MACF1: variants seen among roughly 807,000 people sequenced by gnomAD.
The protein encoded by MACF1 is microtubule-actin cross-linking factor 1.
A neutral mutation model predicts 854.8 loss-of-function variants in MACF1; 193 were observed. The observed-to-expected ratio is 0.23, with a 90% CI of 0.20 to 0.25. The LOEUF (loss-of-function observed/expected upper bound fraction) is 0.25. Among genes scored for constraint, MACF1 ranks in the 10% least tolerant of loss-of-function variants. MACF1 has a pLI of 1.00. For missense variants in MACF1, 7,722 were observed against 8,929.1 expected (o/e 0.86, Z 5.45); for synonymous variants, 3,185 against 3,226.7 (o/e 0.99, Z 0.44).
At chr1:39,154,410 G>A (rs1292859309) in intron 2 of MACF1, 5 of 152,114 alleles carry the variant, frequency 3.3e-5, no homozygotes, top group African/African-American at 9.7e-5. Context: ...AGATATATGT[G>A]GGATGAATGA....
chr1:39,379,467 C>T (rs751390379), intron 54 of MACF1, 23 bp downstream of exon 54: 178 of 1,592,108 alleles, frequency 1.1e-4, no homozygotes, highest in Non-Finnish European at 1.4e-4. Flanking sequence ...CATTAGTTGC[C>T]TCCCAACACC....
At chr1:39,100,917 T>TGCGC (rs1557452575) in intron 2 of MACF1, among the ~76,000 whole-genome samples, 3 of 151,186 alleles carry the variant, frequency 2.0e-5, no homozygotes, top group East Asian at 3.9e-4. Context: ...CACGCGCGCG[T>TGCGC]GTGTGTGTGT....
At chr1:39,174,997 C>T (rs1321536611) in intron 2 of MACF1, among the ~76,000 whole-genome samples, 2 of 152,188 alleles carry the variant, frequency 1.3e-5, no homozygotes, top group Non-Finnish European at 2.9e-5. Context: ...AAACTGCTAC[C>T]TTCTTCCCCA....
At chr1:39,304,183 T>TC (rs1396971625) in intron 23 of MACF1, 1 of 47,342 alleles carries the variant, frequency 2.1e-5, no homozygotes, top group Non-Finnish European at 3.7e-5. Flanking sequence ...CCCCACCCCA[T>TC]CCCCCCACCC....
At chr1:39,284,483 T>G in intron 11 of MACF1, 55 bp downstream of exon 11, 1 of 1,165,522 alleles carries the variant, frequency 8.6e-7, no homozygotes, top group East Asian at 2.4e-5. Context: ...GTACTGTTGT[T>G]GCTTCTTGAT....
Position 39,284,526 on chromosome 1 carries a change from A to G in MACF1, c.1131+98A>G, listed in dbSNP as rs74066732. 9.4e-3 allele frequency: 6,712 copies of G among 717,224 alleles called. 318 individuals carry two copies. The African/African-American group carries it at 0.11, about 11-fold the overall frequency. The allele number at this position is 717,224 out of a possible 1,614,324, so 44.4% of individuals were successfully genotyped here. The stretch of plus-strand genomic sequence containing the variant: ...TCCTTGTATTCTTTTCCCAAACTGC[A>G]TTAATAGAAGTACTCTCCTGGTGAC... On this transcript the variant is annotated intron_variant, in intron 11 of 100. Transcript: ENST00000564288.
chr1:39,385,643 C>T lies in MACF1; in HGVS notation c.14058C>T (p.Thr4686=), dbSNP rs765631894. 34 of 1,613,992 alleles carry T rather than the reference C, an allele frequency of 2.1e-5. No homozygotes were observed. Among genetic ancestry groups the T allele is most frequent in the Non-Finnish European group, 2.8e-5 (33 of 1,180,026 alleles). ...TTGACCAAGCTATTGTTAAGAGCAC[C>T]CAGTACCAGGAACTGCTCCAGGACT... ...SQIDQAIVKS[T]QYQELLQDLS... is the part of the protein sequence containing the mutation. The change falls in exon 57 of 101, where the codon ACC becomes ACT. Residue 4686 remains threonine (T), a synonymous_variant. Transcript: ENST00000564288.
At chr1:39,426,785 G>A (rs895527066) in intron 61 of MACF1, among the ~76,000 whole-genome samples, 2 of 151,734 alleles carry the variant, frequency 1.3e-5, no homozygotes, top group Admixed American at 1.3e-4. Flanking sequence ...TTTTGGGGGG[G>A]GTGCTTTTTG....
intron 6 of MACF1, chr1:39,269,841 G>A: frequency 2.6e-6 from 2 of 760,588 alleles, no homozygotes; most frequent in Admixed American, 7.0e-5. Context: ...ACCCCCATGT[G>A]GGTTAGTATC....
intron 2 of MACF1, among the ~76,000 whole-genome samples, chr1:39,135,040 T>G (rs1346576441): frequency 6.6e-6 from 1 of 152,192 alleles, no homozygotes; most frequent in Non-Finnish European, 1.5e-5. Flanking sequence ...TCATACAGTA[T>G]TTGTCCTTTT....
In MACF1 at chr1:39,087,865, C is replaced by T. The variant is rs557247870; in HGVS notation, c.220+3427C>T. On this transcript the variant is annotated intron_variant, in intron 2 of 93. Coordinates refer to the MACF1 transcript ENST00000361689. ...TCAACTCACTGCAACCTTCACCTCC[C>T]GGGTTCAAGCAATTCTTCTGCCTCA... Among the ~76,000 whole-genome samples the T allele has an allele frequency of 3.3e-5, 5 of 151,934 alleles. No individual in the cohort carries two copies. In the South Asian group the frequency reaches 1.0e-3, roughly 32 times the overall value.
Position 39,484,726 on chromosome 1 carries a change from G to A in MACF1, c.22407G>A (p.Arg7469=), listed in dbSNP as rs758528707. 6.2e-7 allele frequency: 1 copy of A among 1,614,030 alleles called. No homozygotes were observed. The highest frequency in any genetic ancestry group is 8.5e-7 in the Non-Finnish European group (1 of 1,180,002). The stretch of plus-strand genomic sequence containing the variant: ...CCTCCACAGGTGCCAAAACTAATCG[G>A]GCAGGTAAGTACCTGCCCCGTGACC... The part of the protein sequence containing the change: ...SPASTGAKTN[R]ADPKKSASRP... Residue 7469 remains arginine, a synonymous_variant, in exon 100 of 101, where the codon CGG becomes CGA. Transcript: ENST00000564288.
At position 39,333,488 on chromosome 1, in the gene MACF1, AC is replaced by A; in HGVS notation, c.6901del (p.Gln2301LysfsTer8). On this transcript the variant is annotated frameshift_variant, in exon 37 of 101. Coordinates refer to ENST00000564288, the MANE Select transcript of MACF1 (RefSeq NM_001394062.1). LOFTEE classifies it high-confidence loss of function. ...QLLDGGIFHE[Q>X]TGQKLLLNEA... Reference sequence around the variant, plus strand: ...TACTAGATGGTGGTATCTTTCATGAACAAACAGGTCAAAAGCTCTTACTAAA... The same window carrying A: ...TACTAGATGGTGGTATCTTTCATGAAAAACAGGTCAAAAGCTCTTACTAAA... 6.2e-7 allele frequency: 1 copy of A among 1,614,214 alleles called. No individual in the cohort carries two copies. The highest frequency in any genetic ancestry group is 8.5e-7 in the Non-Finnish European group (1 of 1,180,038).
intron 88 of MACF1, 60 bp from the exon 89 acceptor site, chr1:39,454,849 T>C (rs1644405529): frequency 1.4e-6 from 2 of 1,446,720 alleles, no homozygotes; most frequent in African/African-American, 1.4e-5. Flanking sequence ...AAAAAGGGCT[T>C]TGGAAACAAA....
At chr1:39,403,463 A>G (rs1253351699) in intron 58 of MACF1, among the ~76,000 whole-genome samples, 6 of 152,158 alleles carry the variant, frequency 3.9e-5, no homozygotes, top group Admixed American at 3.3e-4. Flanking sequence ...ACACCTTCAC[A>G]TGGGTCGTTT....
At chr1:39,445,156 G>T (rs1339090831) in intron 80 of MACF1, among the ~76,000 whole-genome samples, 1 of 152,164 alleles carries the variant, frequency 6.6e-6, no homozygotes, top group Non-Finnish European at 1.5e-5. Flanking sequence ...TGAGAGATTG[G>T]GGACAGGGCA....
At chr1:39,463,396 A>G (rs983635424) in intron 93 of MACF1, among the ~76,000 whole-genome samples, 1 of 144,944 alleles carries the variant, frequency 6.9e-6, no homozygotes, top group African/African-American at 2.4e-5. Flanking sequence ...GGGCTGAGGT[A>G]GGAGAATTGT....
At chr1:39,415,542 T>C (rs1015311489) in intron 58 of MACF1, among the ~76,000 whole-genome samples, 3 of 149,592 alleles carry the variant, frequency 2.0e-5, no homozygotes, top group African/African-American at 4.9e-5. Context: ...TTTTTTTTTT[T>C]TAGTAGAGAC....
chr1:39,138,231 C>A lies in MACF1; in HGVS notation c.220+53793C>A, dbSNP rs143830771. On this transcript the variant is annotated intron_variant, in intron 2 of 93. Transcript: ENST00000361689. ...AACAACGAATCAAAACAAAACAAAA[C>A]AAAAATGAGTGTACTTCATGTTGTA... is the stretch of plus-strand genomic sequence containing the variant. Among the ~76,000 whole-genome samples, 133 of 152,022 alleles carry A rather than the reference C, an allele frequency of 8.7e-4. 4 individuals are homozygous for A. The East Asian group carries it at 0.019, about 21-fold the overall frequency.
Sources: allele counts gnomAD v4.1 joint callset (sites outside exome capture counted in the v4.1 genomes callset), GRCh38; gene constraint gnomAD v4.1.1; transcripts MANE v1.5; gene names NCBI Gene and HGNC (gene_info 2026-07-23, HGNC 2026-07-21).